ZNF521: variants seen among roughly 807,000 people sequenced by gnomAD.
The protein encoded by ZNF521 is LYST-interacting protein 3.
Under a neutral mutation model 105.5 loss-of-function variants are expected in ZNF521, and 14 were observed. That is an observed-to-expected ratio of 0.13 (90% CI 0.09 to 0.21). The LOEUF (loss-of-function observed/expected upper bound fraction) is 0.21, where lower values mean the gene tolerates loss of function less well. ZNF521 is among the 10% of genes least tolerant of loss of function. The pLI is 1.00. For synonymous variants in ZNF521, 635 were observed against 606.0 expected, an observed-to-expected ratio of 1.05 and a Z score of -0.70; for missense variants, 1,233 against 1,629.7, an observed-to-expected ratio of 0.76 and a Z score of 4.19.
chr18:25,304,080 T>C (rs2145080959), intron 3 of ZNF521, among the ~76,000 whole-genome samples: 1 of 152,348 alleles, frequency 6.6e-6, no homozygotes, highest in East Asian at 1.9e-4. Flanking sequence ...GCTAGTAATT[T>C]CTTCCTTCAC....
At chr18:25,242,735 T>C (rs981928770) in intron 3 of ZNF521, among the ~76,000 whole-genome samples, 5 of 152,148 alleles carry the variant, frequency 3.3e-5, no homozygotes, top group Admixed American at 2.6e-4. Context: ...TCTTGTTCTA[T>C]ACTGTGAATA....
intron 4 of ZNF521, among the ~76,000 whole-genome samples, chr18:25,200,352 T>C (rs1482919002): frequency 1.3e-5 from 2 of 152,052 alleles, no homozygotes; most frequent in African/African-American, 4.8e-5. Flanking sequence ...TTAATTCCTT[T>C]AGTCTATTTC....
intron 3 of ZNF521, among the ~76,000 whole-genome samples, chr18:25,320,174 A>C (rs1912860351): frequency 6.6e-6 from 1 of 151,996 alleles, no homozygotes; most frequent in Admixed American, 6.6e-5. Flanking sequence ...GTTAAAGGTT[A>C]ACTTTCTTTT....
At chr18:25,306,356 A>T (rs1911973292) in intron 3 of ZNF521, among the ~76,000 whole-genome samples, 2 of 152,210 alleles carry the variant, frequency 1.3e-5, no homozygotes, top group African/African-American at 4.8e-5. Flanking sequence ...CTAAGCAATG[A>T]ACAGTAAAAT....
At chr18:25,301,866 CT>C (rs1911659986) in intron 3 of ZNF521, 1 of 152,132 alleles carries the variant, frequency 6.6e-6, no homozygotes, top group African/African-American at 2.4e-5. Flanking sequence ...TACCAACCCC[CT>C]AATAAGCAAT....
intron 7 of ZNF521, among the ~76,000 whole-genome samples, chr18:25,070,841 A>T (rs1306441865): frequency 2.0e-5 from 3 of 152,132 alleles, no homozygotes; most frequent in Non-Finnish European, 1.5e-5. Context: ...GCATGAATAA[A>T]TGAAAGCTGG....
intron 3 of ZNF521, among the ~76,000 whole-genome samples, chr18:25,266,675 G>T (rs1369780462): frequency 2.0e-5 from 3 of 152,090 alleles, no homozygotes; most frequent in Non-Finnish European, 4.4e-5. Context: ...CTAGCCAAGG[G>T]AAGATGTGAG....
chr18:25,351,269 A>T (rs7242602), intron 1 of ZNF521: 67,405 of 146,048 alleles, frequency 0.46, 15,768 homozygotes, highest in Middle Eastern at 0.53. Context: ...GAGGGAAAAA[A>T]AGCTAAAAAA....
intron 3 of ZNF521, among the ~76,000 whole-genome samples, chr18:25,242,885 C>T (rs564899261): frequency 6.6e-6 from 1 of 152,312 alleles, no homozygotes; most frequent in East Asian, 1.9e-4. Flanking sequence ...TGAGACTCCA[C>T]TTCAAATACG....
At chr18:25,309,720 A>T (rs1912189937) in intron 3 of ZNF521, among the ~76,000 whole-genome samples, 1 of 152,206 alleles carries the variant, frequency 6.6e-6, no homozygotes, top group Non-Finnish European at 1.5e-5. Flanking sequence ...TAAAAAGATT[A>T]TAAAAGCATT....
intron 3 of ZNF521, among the ~76,000 whole-genome samples, chr18:25,240,641 A>G (rs1483698927): frequency 6.6e-6 from 1 of 152,104 alleles, no homozygotes; most frequent in Non-Finnish European, 1.5e-5. Flanking sequence ...TCTGTTACAA[A>G]CTCAGCAATG....
intron 4 of ZNF521, among the ~76,000 whole-genome samples, chr18:25,212,509 C>CAAAAAAAAAAA (rs59178760): frequency 9.2e-5 from 2 of 21,702 alleles, no homozygotes; most frequent in African/African-American, 2.0e-4. Context: ...GACTTAGTCT[C>CAAAAAAAAAAA]AAAAAAAAAA....
At chr18:25,232,516 C>T (rs1249227452) in intron 3 of ZNF521, among the ~76,000 whole-genome samples, 2 of 152,192 alleles carry the variant, frequency 1.3e-5, no homozygotes, top group Non-Finnish European at 2.9e-5. Flanking sequence ...TGGCAATCTA[C>T]AGTGCCTTAA....
intron 7 of ZNF521, among the ~76,000 whole-genome samples, chr18:25,075,965 A>G (rs1567950628): frequency 3.3e-5 from 5 of 151,218 alleles, no homozygotes; most frequent in Non-Finnish European, 3.0e-5. Flanking sequence ...TCTCAAAATC[A>G]TTTTTTTTTG....
At chr18:25,274,831 G>A (rs1909926920) in intron 3 of ZNF521, among the ~76,000 whole-genome samples, 1 of 152,172 alleles carries the variant, frequency 6.6e-6, no homozygotes, top group Non-Finnish European at 1.5e-5. Context: ...CTTAAAGTAT[G>A]TTGTGGGACT....
At chr18:25,201,852 A>C (rs1864876908) in intron 4 of ZNF521, 1 of 152,202 alleles carries the variant, frequency 6.6e-6, no homozygotes, top group Admixed American at 6.6e-5. Flanking sequence ...CCTTCTCTGC[A>C]AATGAAAAAA....
At chr18:25,094,212 C>T (rs1250638500) in intron 5 of ZNF521, among the ~76,000 whole-genome samples, 2 of 152,096 alleles carry the variant, frequency 1.3e-5, no homozygotes, top group East Asian at 1.9e-4. Flanking sequence ...GTGAATTATG[C>T]ACATTAGGAT....
intron 3 of ZNF521, among the ~76,000 whole-genome samples, chr18:25,247,751 T>G (rs959501441): frequency 6.6e-6 from 1 of 152,062 alleles, no homozygotes; most frequent in African/African-American, 2.4e-5. Flanking sequence ...CAGAGCCCTT[T>G]GGAGTAGGAG....
At chr18:25,328,639 G>A (rs1336568818) in intron 2 of ZNF521, among the ~76,000 whole-genome samples, 6 of 150,548 alleles carry the variant, frequency 4.0e-5, no homozygotes, top group Admixed American at 2.0e-4. Flanking sequence ...TGCAACCTCC[G>A]CCTCCCGGGT....
Sources: gnomAD v4.1 joint callset for allele counts (sites outside exome capture counted in the v4.1 genomes callset) on GRCh38, gnomAD v4.1.1 for gene constraint, MANE v1.5 for transcripts, NCBI Gene and HGNC (gene_info 2026-07-23, HGNC 2026-07-21) for gene names.